CADPS2: variants seen among roughly 807,000 people sequenced by gnomAD.
CADPS2 encodes calcium-dependent secretion activator 2.
CADPS2 carries 93 observed loss-of-function variants against 172.5 expected under a neutral mutation model. That is an observed-to-expected ratio of 0.54 (90% CI 0.46 to 0.64). The LOEUF is 0.64. Ranked by LOEUF, CADPS2 falls within the 30% of genes least tolerant of loss-of-function variation. The pLI, the probability that CADPS2 is intolerant of heterozygous loss-of-function variation, is 0.00. For synonymous variants in CADPS2, 546 were observed against 555.2 expected, an observed-to-expected ratio of 0.98 and a Z score of 0.23; for missense variants, 1,420 against 1,565.9, an observed-to-expected ratio of 0.91 and a Z score of 1.57.
intron 27 of CADPS2, among the ~76,000 whole-genome samples, chr7:122,351,290 A>G (rs745928972): frequency 1.6e-4 from 24 of 146,292 alleles, no homozygotes; most frequent in African/African-American, 3.7e-4. Context: ...GGACAACAGC[A>G]TGAACCCAGG....
At chr7:122,335,759 T>C (rs1563091921) in intron 28 of CADPS2, among the ~76,000 whole-genome samples, 1 of 152,072 alleles carries the variant, frequency 6.6e-6, no homozygotes, top group African/African-American at 2.4e-5. Context: ...ATTAAAGGGC[T>C]AGAAAAAAAG....
At chr7:122,620,797 G>A (rs936958428) in intron 5 of CADPS2, among the ~76,000 whole-genome samples, 2 of 151,936 alleles carry the variant, frequency 1.3e-5, no homozygotes, top group East Asian at 1.9e-4. Context: ...TAAAAAGAAA[G>A]GTTAACCAAA....
At chr7:122,527,297 G>T (rs115661950) in intron 8 of CADPS2, among the ~76,000 whole-genome samples, 1,533 of 151,584 alleles carry the variant, frequency 0.01, 25 homozygotes, top group African/African-American at 0.035. Context: ...TTCAACCACC[G>T]CTGAAAATGG....
chr7:122,796,757 A>AC (rs1463585757), intron 1 of CADPS2, among the ~76,000 whole-genome samples: 3 of 152,072 alleles, frequency 2.0e-5, no homozygotes, highest in Non-Finnish European at 4.4e-5. Flanking sequence ...AAACTGAAAA[A>AC]AAAAACCCTG....
At chr7:122,812,503 G>A (rs1021485258) in intron 1 of CADPS2, among the ~76,000 whole-genome samples, 2 of 151,856 alleles carry the variant, frequency 1.3e-5, no homozygotes, top group Non-Finnish European at 1.5e-5. Context: ...CCCAGGACCT[G>A]TCATGAATTA....
chr7:122,426,043 G>C (rs1262658914), intron 17 of CADPS2: 1 of 152,274 alleles, frequency 6.6e-6, no homozygotes, highest in Non-Finnish European at 1.5e-5. Context: ...CTGTTCAGTG[G>C]GCAATGGCAG....
chr7:122,479,137 T>C (rs2057019653), intron 12 of CADPS2, among the ~76,000 whole-genome samples: 2 of 152,116 alleles, frequency 1.3e-5, no homozygotes, highest in African/African-American at 4.8e-5. Flanking sequence ...GGAGTGGGAC[T>C]CTAGTATCAA....
intron 1 of CADPS2, among the ~76,000 whole-genome samples, chr7:122,759,120 C>T (rs1360971206): frequency 6.6e-6 from 1 of 152,078 alleles, no homozygotes; most frequent in Non-Finnish European, 1.5e-5. Context: ...TTGCCATTTT[C>T]CCTCTAAGTG....
intron 1 of CADPS2, among the ~76,000 whole-genome samples, chr7:122,756,730 C>T (rs1052737369): frequency 3.3e-5 from 5 of 152,102 alleles, no homozygotes; most frequent in African/African-American, 1.2e-4. Flanking sequence ...GAAACCCCGT[C>T]TCTACTAAAA....
Position 122,554,627 on chromosome 7 carries a change from T to G in CADPS2, c.1398A>C (p.Pro466=), listed in dbSNP as rs2064784993. The change falls in exon 8 of 30, where the codon CCA becomes CCC. Residue 466 remains proline (P), a synonymous_variant. Coordinates refer to ENST00000449022, the MANE Select transcript of CADPS2 (RefSeq NM_017954.11). ...TTAAGTCAGAATCCTGGCTATTTTT[T>G]GGAACTACCATTCGGTGTAATTCAG... ...KSAELHRMVV[P]KNSQDSDLKI... The G allele has an allele frequency of 6.2e-7, 1 of 1,611,970 alleles. No homozygotes were observed. Among genetic ancestry groups the G allele is most frequent in the Non-Finnish European group, 8.5e-7 (1 of 1,178,920 alleles).
At chr7:122,885,818 T>G (rs1824211002) in intron 1 of CADPS2, among the ~76,000 whole-genome samples, 181 bp downstream of exon 1, 1 of 152,156 alleles carries the variant, frequency 6.6e-6, no homozygotes, top group Non-Finnish European at 1.5e-5. Context: ...AGGTGTCCGC[T>G]GCAGCCGCAT....
chr7:122,477,037 G>GAAAA, intron 12 of CADPS2, among the ~76,000 whole-genome samples: 1 of 78,950 alleles, frequency 1.3e-5, no homozygotes, highest in Admixed American at 1.3e-4. Flanking sequence ...GGAGAGGAGA[G>GAAAA]GAGAGGAGAG....
chr7:122,624,349 C>A (rs1470431331), intron 4 of CADPS2, among the ~76,000 whole-genome samples: 1 of 152,194 alleles, frequency 6.6e-6, no homozygotes, highest in Non-Finnish European at 1.5e-5. Flanking sequence ...ATGGTATACA[C>A]AAAAACAATA....
intron 1 of CADPS2, among the ~76,000 whole-genome samples, chr7:122,745,437 C>T (rs1273195497): frequency 6.6e-6 from 1 of 151,804 alleles, no homozygotes; most frequent in Non-Finnish European, 1.5e-5. Context: ...TATATTCTTT[C>T]CGATTACCAT....
At chr7:122,345,918 C>CTTTTTTTTTTTTTTTTT (rs71159791) in intron 27 of CADPS2, among the ~76,000 whole-genome samples, 4 of 138,754 alleles carry the variant, frequency 2.9e-5, no homozygotes, top group African/African-American at 2.7e-5. Flanking sequence ...CCGTAGATAT[C>CTTTTTTTTTTTTTTTTT]TTTTTTTTTT....
At chr7:122,512,365 T>A (rs2060066528) in intron 9 of CADPS2, among the ~76,000 whole-genome samples, 1 of 152,128 alleles carries the variant, frequency 6.6e-6, no homozygotes, top group African/African-American at 2.4e-5. Flanking sequence ...TGTTTTGTGT[T>A]AAGAATTCCA....
intron 9 of CADPS2, among the ~76,000 whole-genome samples, chr7:122,509,080 G>A (rs765646911): frequency 6.6e-5 from 10 of 152,148 alleles, no homozygotes; most frequent in Non-Finnish European, 1.3e-4. Flanking sequence ...ACATCAGCTA[G>A]TGTCCCAAAC....
intron 3 of CADPS2, among the ~76,000 whole-genome samples, chr7:122,644,097 A>G (rs548556766): frequency 6.8e-6 from 1 of 146,404 alleles, no homozygotes; most frequent in African/African-American, 2.6e-5. Context: ...GGAAGGAATG[A>G]AGGAAGGAAG....
chr7:122,554,456 C>G lies in CADPS2; in HGVS notation c.1475+94G>C, dbSNP rs1209254205. ...TTTTTGAGAAAACTCCATGTGAAAGCCTGCTATACTGGTTCTCTCACTAAA... is the reference window on the plus strand; with the variant it reads ...TTTTTGAGAAAACTCCATGTGAAAGGCTGCTATACTGGTTCTCTCACTAAA... On this transcript the variant is annotated intron_variant, in intron 8 of 29. Transcript: ENST00000449022. 7 of 1,193,922 alleles carry G rather than the reference C, an allele frequency of 5.9e-6. No individual in the cohort carries two copies. The African/African-American group carries it at 1.1e-4, about 19-fold the overall frequency. 74.0% of individuals were successfully genotyped at this position (1,193,922 alleles called of 1,614,324 possible).
Sources: gnomAD v4.1 joint callset for allele counts (sites outside exome capture counted in the v4.1 genomes callset) on GRCh38, gnomAD v4.1.1 for gene constraint, MANE v1.5 for transcripts, NCBI Gene and HGNC (gene_info 2026-07-23, HGNC 2026-07-21) for gene names.